The following IMMP2L variants were observed in gnomAD, a reference collection of about 807,000 sequenced individuals.
IMMP2L encodes the protein mitochondrial inner membrane protease subunit 2.
IMMP2L carries 18 observed loss-of-function variants against 19.3 expected under a neutral mutation model. That is an observed-to-expected ratio of 0.93 (90% confidence interval 0.64 to 1.38). IMMP2L has a LOEUF of 1.38. IMMP2L is among the 40% of genes most tolerant of loss of function. The pLI, the probability that IMMP2L is intolerant of heterozygous loss-of-function variation, is 0.00. For synonymous variants in IMMP2L, 76 were observed against 73.0 expected (o/e 1.04, Z -0.21); for missense variants, 233 against 218.2 (o/e 1.07, Z -0.43).
chr7:111,316,812 A>G (rs1039026661), intron 3 of IMMP2L, among the ~76,000 whole-genome samples: 1 of 148,716 alleles, frequency 6.7e-6, no homozygotes, highest in South Asian at 2.2e-4. Flanking sequence ...CAACAACCCA[A>G]TGAGAGAGAT....
intron 3 of IMMP2L, among the ~76,000 whole-genome samples, chr7:111,281,223 A>G (rs1271506092): frequency 3.8e-4 from 41 of 107,502 alleles, no homozygotes; most frequent in African/African-American, 1.4e-3. Context: ...AGAAAAAGAA[A>G]GAAAGAAAGA....
intron 5 of IMMP2L, among the ~76,000 whole-genome samples, chr7:110,680,342 T>C (rs1402605334): frequency 6.6e-6 from 1 of 152,184 alleles, no homozygotes; most frequent in Non-Finnish European, 1.5e-5. Context: ...AAGTGAATGA[T>C]GAGCTAGATG....
At chr7:111,129,927 G>A (rs2129593305) in intron 3 of IMMP2L, among the ~76,000 whole-genome samples, 1 of 152,144 alleles carries the variant, frequency 6.6e-6, no homozygotes, top group Non-Finnish European at 1.5e-5. Flanking sequence ...TATTACAGCA[G>A]AATATAGATT....
intron 3 of IMMP2L, among the ~76,000 whole-genome samples, chr7:111,461,222 CTATA>C (rs1840108063): frequency 6.6e-6 from 1 of 151,964 alleles, no homozygotes; most frequent in Non-Finnish European, 1.5e-5. Flanking sequence ...AACTGAATTA[CTATA>C]TATCAAAAAC....
intron 3 of IMMP2L, among the ~76,000 whole-genome samples, chr7:111,236,728 G>A (rs543474749): frequency 1.8e-4 from 28 of 151,990 alleles, no homozygotes; most frequent in Admixed American, 5.3e-4. Context: ...ACTCTGTCTC[G>A]TCAACCCTAG....
intron 3 of IMMP2L, among the ~76,000 whole-genome samples, chr7:111,135,440 C>T (rs56178319): frequency 0.68 from 103,692 of 151,932 alleles, 38,867 homozygotes; most frequent in Non-Finnish European, 0.82. Flanking sequence ...CCAAAGTGAG[C>T]ACTGTGACAG....
chr7:111,269,148 G>C (rs752113918), intron 3 of IMMP2L, among the ~76,000 whole-genome samples: 5 of 152,130 alleles, frequency 3.3e-5, no homozygotes, highest in Non-Finnish European at 7.4e-5. Context: ...GCAGGGCAGA[G>C]TTTGTGGCGA....
At chr7:111,359,356 C>T (rs1413945951) in intron 3 of IMMP2L, among the ~76,000 whole-genome samples, 1 of 152,040 alleles carries the variant, frequency 6.6e-6, no homozygotes, top group East Asian at 1.9e-4. Flanking sequence ...GGCTGGAGTG[C>T]AGTGGCATAA....
chr7:111,260,228 G>C (rs1338140680), intron 3 of IMMP2L, among the ~76,000 whole-genome samples: 2 of 152,112 alleles, frequency 1.3e-5, no homozygotes, highest in African/African-American at 4.8e-5. Flanking sequence ...CAGCACAGTA[G>C]GTTTGTTTAC....
At chr7:111,379,289 A>T (rs1034781867) in intron 3 of IMMP2L, among the ~76,000 whole-genome samples, 1 of 151,662 alleles carries the variant, frequency 6.6e-6, no homozygotes, top group Non-Finnish European at 1.5e-5. Flanking sequence ...ACATAATTCA[A>T]ACTTAAACTG....
At chr7:111,277,332 A>G (rs1819186797) in intron 3 of IMMP2L, among the ~76,000 whole-genome samples, 1 of 152,164 alleles carries the variant, frequency 6.6e-6, no homozygotes, top group Admixed American at 6.5e-5. Context: ...CAACAAACAC[A>G]CACAAAAAAA....
At chr7:111,195,907 C>G (rs963004952) in intron 3 of IMMP2L, among the ~76,000 whole-genome samples, 1 of 151,660 alleles carries the variant, frequency 6.6e-6, no homozygotes, top group Non-Finnish European at 1.5e-5. Flanking sequence ...TGCTCTATCA[C>G]CAAGGCGGGA....
At chr7:111,344,424 C>A (rs1563082959) in intron 3 of IMMP2L, among the ~76,000 whole-genome samples, 1 of 152,174 alleles carries the variant, frequency 6.6e-6, no homozygotes, top group Non-Finnish European at 1.5e-5. Flanking sequence ...TCCTTGGACA[C>A]CATATCTAAA....
At chr7:111,042,153 T>C (rs1013775671) in intron 3 of IMMP2L, among the ~76,000 whole-genome samples, 8 of 152,160 alleles carry the variant, frequency 5.3e-5, no homozygotes, top group Admixed American at 4.6e-4. Context: ...TCCTGAGTTT[T>C]AATATGGCCA....
At chr7:111,260,053 C>T (rs1203141111) in intron 3 of IMMP2L, among the ~76,000 whole-genome samples, 1 of 152,134 alleles carries the variant, frequency 6.6e-6, no homozygotes, top group East Asian at 1.9e-4. Flanking sequence ...CTGCCTAAGG[C>T]TGTTTTACTA....
chr7:110,760,742 A>C lies in IMMP2L; in HGVS notation c.409-97021T>G, dbSNP rs1798305223. On this transcript the variant is annotated intron_variant, in intron 5 of 5. Transcript: ENST00000405709. The surrounding 1 kb of genome is among the most constrained non-coding windows in gnomAD (Gnocchi z 4.2). ...CTCTCATAGCACTTCAATACCTGGA[A>C]TATCTCAAAAGGTTTGCTGACTATT... is the stretch of plus-strand genomic sequence containing the variant. Among the ~76,000 whole-genome samples the C allele has an allele frequency of 1.3e-5, 2 of 152,138 alleles. No homozygotes were observed. The highest frequency in any genetic ancestry group is 2.1e-4 in the South Asian group (1 of 4,836).
intron 3 of IMMP2L, among the ~76,000 whole-genome samples, chr7:111,108,478 A>G (rs1228690980): frequency 6.6e-6 from 1 of 152,168 alleles, no homozygotes; most frequent in Non-Finnish European, 1.5e-5. Flanking sequence ...GAGATATAAT[A>G]TATAAAAATC....
At chr7:111,482,326 A>G (rs532863073) in intron 3 of IMMP2L, among the ~76,000 whole-genome samples, 33 of 152,152 alleles carry the variant, frequency 2.2e-4, no homozygotes, top group Non-Finnish European at 3.5e-4. Flanking sequence ...AGCATACTCA[A>G]AGCACTTAGC....
chr7:111,165,111 ATTCT>A (rs1236596184), intron 3 of IMMP2L, among the ~76,000 whole-genome samples: 1 of 151,938 alleles, frequency 6.6e-6, no homozygotes, highest in Non-Finnish European at 1.5e-5. Flanking sequence ...GGCAACCTCC[ATTCT>A]TTCTGTCTTT....
Sources: gnomAD v4.1 joint callset for allele counts (sites outside exome capture counted in the v4.1 genomes callset) on GRCh38, gnomAD v4.1.1 for gene constraint, Gnocchi (gnomAD v3.1) non-coding constraint, MANE v1.5 for transcripts, NCBI Gene and HGNC (gene_info 2026-07-23, HGNC 2026-07-21) for gene names.